The following FRMD5 variants were observed in gnomAD, a reference collection of about 807,000 sequenced individuals.
The protein encoded by FRMD5 is FERM domain-containing protein 5.
FRMD5 carries 20 observed loss-of-function variants against 69.0 expected under a neutral mutation model. That is an observed-to-expected ratio of 0.29 (90% confidence interval 0.20 to 0.42). The LOEUF is 0.42. FRMD5 is among the 10% of genes least tolerant of loss of function. The probability of loss-of-function intolerance (pLI) is 1.00; values close to 1 mark genes in which losing one functional copy is unlikely to be tolerated. For synonymous variants in FRMD5, 271 were observed against 260.1 expected (o/e 1.04, Z -0.40); for missense variants, 595 against 708.6 (o/e 0.84, Z 1.82).
chr15:43,880,674 G>C (rs1255516530), intron 13 of FRMD5, among the ~76,000 whole-genome samples: 1 of 152,198 alleles, frequency 6.6e-6, no homozygotes, highest in Non-Finnish European at 1.5e-5. Flanking sequence ...CCTGGGCTGG[G>C]GGCCATGACC....
At chr15:44,195,881 C>T (rs901620870), upstream of FRMD5, among the ~76,000 whole-genome samples, 1 of 109,362 alleles carries the variant, frequency 9.1e-6, no homozygotes. Context: ...AAACCCTCCA[C>T]TCTAACACCC....
chr15:44,023,989 A>G (rs750781425), intron 1 of FRMD5, among the ~76,000 whole-genome samples: 10 of 152,186 alleles, frequency 6.6e-5, no homozygotes, highest in Non-Finnish European at 1.2e-4. Context: ...GATATGAAGT[A>G]TATGTAGCAC....
intron 1 of FRMD5, among the ~76,000 whole-genome samples, chr15:44,007,685 G>A (rs1305237491): frequency 1.6e-5 from 1 of 62,612 alleles, no homozygotes; most frequent in Non-Finnish European, 3.0e-5. Context: ...CGCTCTTGTT[G>A]CCCAGGCTGG....
intron 13 of FRMD5, among the ~76,000 whole-genome samples, chr15:43,877,917 GGTTCCTGGAAACCAT>G (rs1313460902): frequency 6.6e-6 from 1 of 152,180 alleles, no homozygotes; most frequent in East Asian, 1.9e-4. Flanking sequence ...GTTGTCAACA[GGTTCCTGGAAACCAT>G]GACTTTAAGC....
At chr15:44,063,009 A>G (rs1447370703) in intron 1 of FRMD5, among the ~76,000 whole-genome samples, 1 of 152,208 alleles carries the variant, frequency 6.6e-6, no homozygotes, top group Non-Finnish European at 1.5e-5. Flanking sequence ...AATTTTGATT[A>G]CTGGTGCTTT....
intron 1 of FRMD5, among the ~76,000 whole-genome samples, chr15:44,024,497 T>A (rs1891347981): frequency 6.6e-6 from 1 of 152,216 alleles, no homozygotes; most frequent in South Asian, 2.1e-4. Flanking sequence ...CATTACAGGT[T>A]TGAAATGGTA....
chr15:43,974,154 C>T (rs1365755195), intron 1 of FRMD5, among the ~76,000 whole-genome samples: 2 of 151,892 alleles, frequency 1.3e-5, no homozygotes, highest in Non-Finnish European at 2.9e-5. Context: ...GCTATGAAAG[C>T]ACACAAGATG....
intron 1 of FRMD5, among the ~76,000 whole-genome samples, chr15:44,117,729 T>C (rs1275386308): frequency 2.0e-5 from 3 of 152,188 alleles, no homozygotes; most frequent in Non-Finnish European, 1.5e-5. Context: ...GGCTAAGGCC[T>C]TAGAGAGGCC....
In FRMD5 at chr15:43,873,739, C is replaced by T; in HGVS notation, c.*146G>A. On this transcript the variant is annotated 3_prime_UTR_variant, in exon 14 of 14. Transcript: ENST00000417257. ...CCTATCCCTTTCTTCTTCTGGGAAACACCCTCCTAGGCTGCAGTGGACTTT... is the reference window on the plus strand; with the variant it reads ...CCTATCCCTTTCTTCTTCTGGGAAATACCCTCCTAGGCTGCAGTGGACTTT... 1.3e-6 allele frequency: 2 copies of T among 1,519,398 alleles called. No homozygotes were observed. Among genetic ancestry groups the T allele is most frequent in the Non-Finnish European group, 1.8e-6 (2 of 1,141,792 alleles). 94.1% of individuals were successfully genotyped at this position (1,519,398 alleles called of 1,614,324 possible). A position where few individuals can be genotyped will look rare whatever the true frequency, so the allele number is the denominator to read the frequency against.
At chr15:43,965,624 C>G (rs988708236) in intron 1 of FRMD5, among the ~76,000 whole-genome samples, 1 of 148,010 alleles carries the variant, frequency 6.8e-6, no homozygotes, top group Non-Finnish European at 1.5e-5. Context: ...TCTTGTTGCC[C>G]AGGCTGGTGT....
chr15:44,044,727 C>A (rs1892355941), intron 1 of FRMD5, among the ~76,000 whole-genome samples: 1 of 150,314 alleles, frequency 6.7e-6, no homozygotes, highest in African/African-American at 2.5e-5. Flanking sequence ...AACACATGGA[C>A]ACAGGGAGGG....
intron 1 of FRMD5, among the ~76,000 whole-genome samples, chr15:43,996,715 A>ATTTTT (rs11397296): frequency 8.8e-4 from 76 of 86,028 alleles, no homozygotes; most frequent in Middle Eastern, 0.016. Flanking sequence ...TCCTCAGCTG[A>ATTTTT]TTTTTTTTTT....
In FRMD5 at chr15:44,154,794, T is replaced by C. The variant is rs370826414; in HGVS notation, c.102+40159A>G. ...GGGCTGAAAGGGAGAGGTTACATAG[T>C]GACAGCTAAGGGGTGCAGGGTTTCA... On this transcript the variant is annotated intron_variant, in intron 1 of 13. Transcript: ENST00000417257. Among the ~76,000 whole-genome samples, 50 of 152,302 alleles carry C rather than the reference T, an allele frequency of 3.3e-4. No individual in the cohort carries two copies. The South Asian group carries it at 9.5e-3, about 29-fold the overall frequency.
intron 1 of FRMD5, among the ~76,000 whole-genome samples, chr15:43,955,175 GTC>G (rs1430062895): frequency 6.6e-6 from 1 of 152,152 alleles, no homozygotes; most frequent in Non-Finnish European, 1.5e-5. Context: ...CTTTAACACG[GTC>G]TCTCCTTTGT....
At chr15:44,005,471 CAAAAAAAA>C (rs55839205) in intron 1 of FRMD5, among the ~76,000 whole-genome samples, 1,689 of 69,488 alleles carry the variant, frequency 0.024, 43 homozygotes, top group African/African-American at 0.082. Context: ...AACTCCATCT[CAAAAAAAA>C]AAAAAAAAAA....
intron 1 of FRMD5, among the ~76,000 whole-genome samples, chr15:43,926,168 A>G (rs483800): frequency 0.14 from 21,309 of 152,166 alleles, 3,361 homozygotes; most frequent in African/African-American, 0.39. Context: ...GCCGTTTATA[A>G]CCCATAACCT....
intron 1 of FRMD5, among the ~76,000 whole-genome samples, chr15:43,960,066 C>T (rs533713964): frequency 2.0e-5 from 3 of 151,234 alleles, no homozygotes; most frequent in East Asian, 2.0e-4. Context: ...TACAGACATG[C>T]GCCACCATGC....
At chr15:43,881,741 TACTC>T (rs1025642008) in intron 13 of FRMD5, among the ~76,000 whole-genome samples, 8 of 152,170 alleles carry the variant, frequency 5.3e-5, no homozygotes, top group African/African-American at 7.2e-5. Context: ...GCAATGAAGA[TACTC>T]AAGTAACTTG....
chr15:44,031,833 A>G (rs1468092845), intron 1 of FRMD5, among the ~76,000 whole-genome samples: 2 of 152,152 alleles, frequency 1.3e-5, no homozygotes, highest in East Asian at 3.8e-4. Context: ...AAAAATGGGG[A>G]CATCTTTCAT....
Sources: allele counts gnomAD v4.1 joint callset (sites outside exome capture counted in the v4.1 genomes callset), GRCh38; gene constraint gnomAD v4.1.1; transcripts MANE v1.5; gene names NCBI Gene and HGNC (gene_info 2026-07-23, HGNC 2026-07-21).